Variants in TSHZ2 observed in about 807,000 individuals in gnomAD.
TSHZ2 encodes teashirt homolog 2.
Under a neutral mutation model 74.4 loss-of-function variants are expected in TSHZ2, and 21 were observed. That is an observed-to-expected ratio of 0.28 (90% CI 0.20 to 0.41). The LOEUF (loss-of-function observed/expected upper bound fraction) is 0.41, where lower values mean the gene tolerates loss of function less well. Ranked by LOEUF, TSHZ2 falls within the 10% of genes least tolerant of loss-of-function variation. TSHZ2 has a pLI of 1.00. For missense variants in TSHZ2, 1,244 were observed against 1,293.5 expected (o/e 0.96, Z 0.59); for synonymous variants, 540 against 515.3 (o/e 1.05, Z -0.65).
intron 2 of TSHZ2, among the ~76,000 whole-genome samples, chr20:53,334,743 G>A (rs1372756158): frequency 6.6e-6 from 1 of 151,806 alleles, no homozygotes; most frequent in Non-Finnish European, 1.5e-5. Flanking sequence ...CGCCCAGGCT[G>A]GAGTGCAGTG....
intron 1 of TSHZ2, among the ~76,000 whole-genome samples, chr20:53,190,883 G>A (rs1408360484): frequency 6.6e-6 from 1 of 152,192 alleles, no homozygotes; most frequent in East Asian, 1.9e-4. Flanking sequence ...CAAAGGCTGG[G>A]ATGTTTCCAT....
At chr20:53,265,570 G>A (rs1990697343) in intron 2 of TSHZ2, among the ~76,000 whole-genome samples, 1 of 152,184 alleles carries the variant, frequency 6.6e-6, no homozygotes, top group Admixed American at 6.5e-5. Context: ...TTTTTCTGTT[G>A]TATAATAGGC....
At chr20:53,223,061 C>T (rs1208883114) in intron 1 of TSHZ2, among the ~76,000 whole-genome samples, 3 of 152,060 alleles carry the variant, frequency 2.0e-5, no homozygotes, top group Non-Finnish European at 2.9e-5. Context: ...CTACAGGAGG[C>T]TGGTGGCTAT....
intron 2 of TSHZ2, among the ~76,000 whole-genome samples, chr20:53,386,818 C>A (rs911308336): frequency 2.0e-5 from 3 of 151,382 alleles, no homozygotes; most frequent in African/African-American, 7.3e-5. Flanking sequence ...TAATGACAGG[C>A]AAACAGGATT....
intron 2 of TSHZ2, among the ~76,000 whole-genome samples, chr20:53,261,598 A>T (rs985021296): frequency 6.6e-6 from 1 of 152,096 alleles, no homozygotes; most frequent in African/African-American, 2.4e-5. Flanking sequence ...ATTTGGCTTA[A>T]CTCCGTCTAT....
chr20:53,186,378 T>C (rs765899181), intron 1 of TSHZ2, among the ~76,000 whole-genome samples: 14 of 152,362 alleles, frequency 9.2e-5, no homozygotes, highest in South Asian at 2.1e-4. Context: ...AAGACTTTTC[T>C]ACAATACAAC....
chr20:53,102,815 T>A (rs1241691508), intron 1 of TSHZ2, among the ~76,000 whole-genome samples: 1 of 152,182 alleles, frequency 6.6e-6, no homozygotes, highest in East Asian at 1.9e-4. Flanking sequence ...TTTTTCAAAT[T>A]GTGGATCAAG....
At chr20:53,152,441 G>A (rs1987696403) in intron 1 of TSHZ2, among the ~76,000 whole-genome samples, 1 of 152,066 alleles carries the variant, frequency 6.6e-6, no homozygotes, top group African/African-American at 2.4e-5. Flanking sequence ...CCCTGAGCTT[G>A]ACCCTTATTC....
intron 2 of TSHZ2, among the ~76,000 whole-genome samples, chr20:53,352,198 C>T (rs1341741001): frequency 2.6e-5 from 4 of 151,054 alleles, no homozygotes; most frequent in African/African-American, 9.7e-5. Context: ...GCTCTTTACC[C>T]CACTGCATTC....
chr20:53,190,574 G>A (rs1386675575), intron 1 of TSHZ2, among the ~76,000 whole-genome samples: 1 of 152,172 alleles, frequency 6.6e-6, no homozygotes, highest in Non-Finnish European at 1.5e-5. Context: ...AAGATGTGCT[G>A]TATTTCCAGC....
chr20:52,980,081 C>A (rs1981504473), intron 1 of TSHZ2, among the ~76,000 whole-genome samples: 1 of 152,192 alleles, frequency 6.6e-6, no homozygotes, highest in African/African-American at 2.4e-5. Flanking sequence ...ATGTAAGACA[C>A]TATATTACAC....
intron 2 of TSHZ2, among the ~76,000 whole-genome samples, chr20:53,462,157 G>T (rs1041011881): frequency 1.3e-5 from 2 of 152,160 alleles, no homozygotes; most frequent in Non-Finnish European, 2.9e-5. Context: ...GGGAGGTTGA[G>T]GTGGAAGAAT....
chr20:53,199,487 T>C (rs1988948782), intron 1 of TSHZ2, among the ~76,000 whole-genome samples: 1 of 151,862 alleles, frequency 6.6e-6, no homozygotes, highest in African/African-American at 2.4e-5. Flanking sequence ...AAAAGTAAAA[T>C]AAAATAAAAA....
intron 1 of TSHZ2, among the ~76,000 whole-genome samples, chr20:53,010,386 A>T (rs1446203266): frequency 6.6e-6 from 1 of 151,678 alleles, no homozygotes; most frequent in African/African-American, 2.4e-5. Flanking sequence ...CTCCTAAAGG[A>T]AGCAAAGCAA....
At chr20:53,117,390 C>T (rs1284410582) in intron 1 of TSHZ2, among the ~76,000 whole-genome samples, 1 of 152,206 alleles carries the variant, frequency 6.6e-6, no homozygotes, top group Non-Finnish European at 1.5e-5. Flanking sequence ...CACAAGGTAT[C>T]AGGCTCTGTT....
At position 53,255,989 on chromosome 20, in the gene TSHZ2, G is replaced by A. The variant is rs778561966; in HGVS notation, c.2531G>A (p.Arg844Gln). ...EVSTLHKRKG[R>Q]QSNWNPQHLL... is the part of the protein sequence containing the mutation. ...TCAACTTTGCATAAAAGAAAAGGCC[G>A]GCAGTCCAACTGGAATCCTCAGCAT... The change falls in exon 2 of 3, where the codon CGG (arginine) becomes CAG (glutamine). Residue 844 changes from arginine to glutamine, a missense_variant. Around this residue, in one of 6 missense-constraint regions of TSHZ2, gnomAD observed 562 missense variants for 544.0 expected, o/e 1.03. Coordinates refer to ENST00000371497, the MANE Select transcript of TSHZ2 (RefSeq NM_173485.6). This position sits in a 1 kb window ranked among gnomAD's most constrained non-coding sequence, Gnocchi z 4.1. The A allele has an allele frequency of 6.2e-6, 10 of 1,613,670 alleles. No individual in the cohort carries two copies. Among genetic ancestry groups the A allele is most frequent in the East Asian group, 2.2e-5 (1 of 44,868 alleles).
intron 1 of TSHZ2, among the ~76,000 whole-genome samples, chr20:53,127,772 GA>G (rs1986989155): frequency 6.6e-6 from 1 of 152,202 alleles, no homozygotes; most frequent in African/African-American, 2.4e-5. Context: ...CGATGACAAT[GA>G]AGAAAGTGAG....
chr20:53,097,014 A>G (rs1404502045), intron 1 of TSHZ2, among the ~76,000 whole-genome samples: 2 of 152,162 alleles, frequency 1.3e-5, no homozygotes, highest in Admixed American at 6.5e-5. Flanking sequence ...GGGGCAGACA[A>G]TTCTCTATTG....
intron 2 of TSHZ2, among the ~76,000 whole-genome samples, chr20:53,362,330 G>A (rs1484019687): frequency 1.3e-5 from 2 of 151,872 alleles, no homozygotes; most frequent in African/African-American, 2.4e-5. Flanking sequence ...GACTACAGAC[G>A]CCCGCCACCA....
Sources: gnomAD v4.1 joint callset for allele counts (sites outside exome capture counted in the v4.1 genomes callset) on GRCh38, gnomAD v4.1.1 for gene constraint, gnomAD v4.1.1 regional missense constraint, Gnocchi (gnomAD v3.1) non-coding constraint, MANE v1.5 for transcripts, NCBI Gene and HGNC (gene_info 2026-07-23, HGNC 2026-07-21) for gene names.